Variants in DGKI observed in about 807,000 individuals in gnomAD.
DGKI encodes diacylglycerol kinase iota.
Under a neutral mutation model 147.5 loss-of-function variants are expected in DGKI, and 55 were observed. The ratio of observed to expected loss-of-function variants is 0.37; its 90% CI spans 0.30 to 0.47. DGKI has a LOEUF of 0.47. Among genes scored for constraint, DGKI ranks in the 20% least tolerant of loss-of-function variants. DGKI has a pLI of 1.00. For missense variants in DGKI, 1,007 were observed against 1,323.8 expected (o/e 0.76, Z 3.71); for synonymous variants, 469 against 477.1 (o/e 0.98, Z 0.22).
At chr7:137,431,816 C>T (rs1015625937) in intron 28 of DGKI, among the ~76,000 whole-genome samples, 7 of 152,210 alleles carry the variant, frequency 4.6e-5, no homozygotes, top group African/African-American at 1.7e-4. Context: ...TGACTCCAAA[C>T]CATGGCTTTT....
At chr7:137,817,197 C>T (rs1388788117) in intron 1 of DGKI, among the ~76,000 whole-genome samples, 1 of 152,148 alleles carries the variant, frequency 6.6e-6, no homozygotes, top group Non-Finnish European at 1.5e-5. Flanking sequence ...CCCTTCCCAC[C>T]CCTCTTCAGC....
At chr7:137,688,160 G>A (rs555058138) in intron 2 of DGKI, among the ~76,000 whole-genome samples, 2 of 152,148 alleles carry the variant, frequency 1.3e-5, no homozygotes, top group South Asian at 2.1e-4. Flanking sequence ...TTCCAGTGAC[G>A]TCCTCATTTC....
At position 137,654,405 on chromosome 7, in the gene DGKI, C is replaced by T. The variant is rs551565849; in HGVS notation, c.738+327G>A. On this transcript the variant is annotated intron_variant, in intron 5 of 32. Transcript: ENST00000614521. The stretch of plus-strand genomic sequence containing the variant: ...TCAACCAGAACACATGGCAACAGAG[C>T]GACACTCTGTCTCCAAATAAATAAG... Among the ~76,000 whole-genome samples the T allele has an allele frequency of 3.9e-5, 6 of 152,240 alleles. No individual in the cohort carries two copies. The South Asian group carries it at 1.2e-3, about 32-fold the overall frequency.
intron 3 of DGKI, among the ~76,000 whole-genome samples, chr7:137,673,574 C>T (rs904013549): frequency 6.6e-6 from 1 of 151,800 alleles, no homozygotes. Flanking sequence ...GAAACTGAGG[C>T]AAAAAAAGGC....
At chr7:137,806,589 A>T (rs1049114763) in intron 1 of DGKI, among the ~76,000 whole-genome samples, 2 of 151,892 alleles carry the variant, frequency 1.3e-5, no homozygotes, top group African/African-American at 4.8e-5. Context: ...ACCTGCCAAC[A>T]CGCCCGGCTA....
chr7:137,638,519 TATATATAC>T (rs1821451254), intron 6 of DGKI, among the ~76,000 whole-genome samples: 2 of 118,376 alleles, frequency 1.7e-5, no homozygotes, highest in Non-Finnish European at 3.4e-5. Context: ...TATGTGTGTA[TATATATAC>T]ACACACATAT....
intron 1 of DGKI, among the ~76,000 whole-genome samples, chr7:137,815,836 G>A (rs145646703): frequency 1.0e-3 from 159 of 152,314 alleles, no homozygotes; most frequent in Non-Finnish European, 2.0e-3. Context: ...AGCAGAACTT[G>A]AAATGTGACT....
chr7:137,510,302 T>G (rs1436142890), intron 21 of DGKI, among the ~76,000 whole-genome samples: 1 of 152,240 alleles, frequency 6.6e-6, no homozygotes. Flanking sequence ...AAAGTACTAG[T>G]ACAACAAGAT....
intron 28 of DGKI, among the ~76,000 whole-genome samples, chr7:137,429,553 G>A (rs1234174393): frequency 1.3e-5 from 2 of 151,562 alleles, no homozygotes; most frequent in Admixed American, 1.3e-4. Flanking sequence ...ATTGACAAAT[G>A]GGATCTAATT....
At chr7:137,480,770 G>A (rs1204279122) in intron 23 of DGKI, among the ~76,000 whole-genome samples, 2 of 152,038 alleles carry the variant, frequency 1.3e-5, no homozygotes, top group African/African-American at 2.4e-5. Context: ...GCAACTACAG[G>A]TGAATCCTAT....
At chr7:137,781,820 G>A (rs1047946248) in intron 1 of DGKI, among the ~76,000 whole-genome samples, 1 of 152,210 alleles carries the variant, frequency 6.6e-6, no homozygotes, top group Non-Finnish European at 1.5e-5. Flanking sequence ...AGAATAAATG[G>A]AGGGAGAAGG....
intron 1 of DGKI, among the ~76,000 whole-genome samples, chr7:137,805,791 C>T (rs1478240101): frequency 6.6e-6 from 1 of 152,108 alleles, no homozygotes; most frequent in African/African-American, 2.4e-5. Flanking sequence ...TTGGAAATAC[C>T]TTAGAGATCA....
At chr7:137,508,731 G>A (rs1458656040) in intron 21 of DGKI, among the ~76,000 whole-genome samples, 1 of 152,068 alleles carries the variant, frequency 6.6e-6, no homozygotes, top group East Asian at 1.9e-4. Flanking sequence ...ATGAAAGACA[G>A]AGCCCCTCTC....
At chr7:137,640,752 T>C (rs989562209) in intron 6 of DGKI, among the ~76,000 whole-genome samples, 1 of 152,226 alleles carries the variant, frequency 6.6e-6, no homozygotes, top group Non-Finnish European at 1.5e-5. Flanking sequence ...TTAAACACTT[T>C]GGCATTTTTG....
rs528772409 is a variant in DGKI at position 137,731,091 on chromosome 7, C to T, written c.402-41089G>A. On this transcript the variant is annotated intron_variant, in intron 1 of 32. Coordinates refer to ENST00000614521, the MANE Select transcript of DGKI (RefSeq NM_001321708.2). ...TTACTTGTCAAGCAATTCCCTACCA[C>T]GGGGCCTTCACACCTGATCTCACTC... Among the ~76,000 whole-genome samples, 17 of 152,146 alleles carry T rather than the reference C, an allele frequency of 1.1e-4. No homozygotes were observed. The East Asian group carries it at 3.1e-3, about 28-fold the overall frequency.
chr7:137,418,519 G>C (rs1812443713), intron 28 of DGKI, among the ~76,000 whole-genome samples: 1 of 152,156 alleles, frequency 6.6e-6, no homozygotes, highest in South Asian at 2.1e-4. Flanking sequence ...ACTTGGCAAA[G>C]CCATATATAT....
intron 20 of DGKI, among the ~76,000 whole-genome samples, chr7:137,526,232 A>C (rs1239469988): frequency 6.6e-6 from 1 of 152,014 alleles, no homozygotes; most frequent in Non-Finnish European, 1.5e-5. Flanking sequence ...GTAAAAATAA[A>C]TTTGCCTTCC....
At chr7:137,533,745 G>A (rs923656352) in intron 20 of DGKI, among the ~76,000 whole-genome samples, 1 of 151,772 alleles carries the variant, frequency 6.6e-6, no homozygotes, top group Non-Finnish European at 1.5e-5. Flanking sequence ...AAGACTGAAA[G>A]GCTTTGGCCT....
At chr7:137,554,153 C>T (rs1000592760) in intron 19 of DGKI, among the ~76,000 whole-genome samples, 2 of 152,194 alleles carry the variant, frequency 1.3e-5, no homozygotes, top group Non-Finnish European at 2.9e-5. Flanking sequence ...AGAGGAAGTA[C>T]TGTAATTAGC....
Sources: gnomAD v4.1 joint callset for allele counts (sites outside exome capture counted in the v4.1 genomes callset) on GRCh38, gnomAD v4.1.1 for gene constraint, MANE v1.5 for transcripts, NCBI Gene and HGNC (gene_info 2026-07-23, HGNC 2026-07-21) for gene names.